Variants in SMARCC1 observed in about 807,000 individuals in gnomAD.
SMARCC1 encodes the protein SWI/SNF related BAF chromatin remodeling complex subunit C1.
SMARCC1 carries 43 observed loss-of-function variants against 147.4 expected under a neutral mutation model. The ratio of observed to expected loss-of-function variants is 0.29; its 90% CI spans 0.23 to 0.38. The LOEUF (loss-of-function observed/expected upper bound fraction) is 0.38, where lower values mean the gene tolerates loss of function less well. Ranked by LOEUF, SMARCC1 falls within the 10% of genes least tolerant of loss-of-function variation. The pLI is 1.00. For missense variants in SMARCC1, 1,119 were observed against 1,381.1 expected (o/e 0.81, Z 3.01); for synonymous variants, 495 against 484.4 (o/e 1.02, Z -0.29).
At chr3:47,636,584 C>A (rs2032971634) in intron 22 of SMARCC1, among the ~76,000 whole-genome samples, 2 of 152,016 alleles carry the variant, frequency 1.3e-5, no homozygotes, top group East Asian at 1.9e-4. Context: ...CCTGTCTCTA[C>A]TAAAAATACA....
At chr3:47,643,970 T>C (rs2033084868) in intron 21 of SMARCC1, among the ~76,000 whole-genome samples, 1 of 152,158 alleles carries the variant, frequency 6.6e-6, no homozygotes. Flanking sequence ...GTGGGAGGAA[T>C]GCGGCCAGCA....
At chr3:47,738,754 G>T (rs1288531755) in intron 3 of SMARCC1, among the ~76,000 whole-genome samples, 1 of 152,106 alleles carries the variant, frequency 6.6e-6, no homozygotes, top group Admixed American at 6.6e-5. Flanking sequence ...AGCATCTTGG[G>T]TATTTAATTC....
intron 25 of SMARCC1, among the ~76,000 whole-genome samples, chr3:47,621,386 C>T (rs1030150825): frequency 2.0e-5 from 3 of 151,674 alleles, no homozygotes; most frequent in Admixed American, 6.6e-5. Flanking sequence ...TTCGCAATAG[C>T]GAAGACATGA....
intron 3 of SMARCC1, among the ~76,000 whole-genome samples, chr3:47,742,597 C>T (rs377604327): frequency 9.2e-5 from 14 of 152,258 alleles, no homozygotes; most frequent in South Asian, 8.3e-4. Context: ...ATCTCTCTTT[C>T]TGTTTTTGAC....
At chr3:47,689,854 G>T (rs1297091428) in intron 12 of SMARCC1, among the ~76,000 whole-genome samples, 1 of 152,150 alleles carries the variant, frequency 6.6e-6, no homozygotes, top group African/African-American at 2.4e-5. Context: ...TGCCTTCTGA[G>T]GATAGAGGGC....
intron 5 of SMARCC1, among the ~76,000 whole-genome samples, chr3:47,732,194 C>G (rs1009913992): frequency 6.6e-6 from 1 of 152,178 alleles, no homozygotes; most frequent in African/African-American, 2.4e-5. Flanking sequence ...ATTAGGCAAC[C>G]TCTGCTGGCT....
intron 8 of SMARCC1, among the ~76,000 whole-genome samples, chr3:47,712,240 A>C (rs116136883): frequency 0.043 from 6,523 of 152,218 alleles, 399 homozygotes; most frequent in African/African-American, 0.14. Flanking sequence ...CTCAAAATAA[A>C]TAACTAACTA....
chr3:47,776,135 G>A (rs1026454742), intron 1 of SMARCC1, among the ~76,000 whole-genome samples: 5 of 151,952 alleles, frequency 3.3e-5, no homozygotes, highest in East Asian at 1.9e-4. Flanking sequence ...GTGACAAAGC[G>A]AGACTCCGTC....
chr3:47,733,928 C>G (rs1275790226), intron 5 of SMARCC1, among the ~76,000 whole-genome samples: 2 of 146,526 alleles, frequency 1.4e-5, no homozygotes, highest in African/African-American at 5.1e-5. Context: ...CTTGTATATA[C>G]ATATATACAA....
chr3:47,692,797 C>G (rs920558884), intron 12 of SMARCC1, among the ~76,000 whole-genome samples: 5 of 151,964 alleles, frequency 3.3e-5, no homozygotes, highest in Admixed American at 1.3e-4. Context: ...CCGAGACAGG[C>G]GGATCATGAG....
chr3:47,672,578 T>C (rs2033515178), intron 18 of SMARCC1, among the ~76,000 whole-genome samples: 3 of 152,176 alleles, frequency 2.0e-5, no homozygotes, highest in African/African-American at 4.8e-5. Flanking sequence ...CCAATCAGAT[T>C]TGGAGCCCCA....
rs753672169 is a variant in SMARCC1 at position 47,671,196 on chromosome 3, A to AAAAAAAC, written c.1840-480_1840-479insGTTTTTT. Among the ~76,000 whole-genome samples, 677 of 81,106 alleles carry AAAAAAAC rather than the reference A, an allele frequency of 8.3e-3. 120 individuals carry two copies. The highest frequency in any genetic ancestry group is 0.016 in the South Asian group (33 of 2,012). The allele number at this position is 81,106 out of a possible 152,430, so 53.2% of individuals were successfully genotyped here. A position where few individuals can be genotyped will look rare whatever the true frequency, so the allele number is the denominator to read the frequency against. On this transcript the variant is annotated intron_variant, in intron 18 of 27. Coordinates refer to ENST00000254480, the MANE Select transcript of SMARCC1 (RefSeq NM_003074.4). ...CTCAAAAAAAAAAAAAAAAAAAAAA[A>AAAAAAAC]AACACACACAAAAACCAAAACCAAA...
intron 15 of SMARCC1, among the ~76,000 whole-genome samples, chr3:47,679,570 T>C (rs1173922461): frequency 6.6e-6 from 1 of 152,138 alleles, no homozygotes; most frequent in East Asian, 1.9e-4. Flanking sequence ...AGTTGAAAGT[T>C]GTTAGGACAG....
intron 18 of SMARCC1, among the ~76,000 whole-genome samples, chr3:47,672,434 C>A (rs1460514376): frequency 6.6e-6 from 1 of 152,084 alleles, no homozygotes; most frequent in Non-Finnish European, 1.5e-5. Flanking sequence ...TCTCGATCTC[C>A]TGACCTCGTG....
intron 5 of SMARCC1, among the ~76,000 whole-genome samples, chr3:47,733,886 T>C (rs1279659778): frequency 1.4e-5 from 2 of 145,748 alleles, no homozygotes; most frequent in African/African-American, 2.5e-5. Context: ...AAAAAAGGTA[T>C]ATATACACGT....
chr3:47,645,536 C>A (rs1056598834), intron 21 of SMARCC1, among the ~76,000 whole-genome samples: 1 of 152,148 alleles, frequency 6.6e-6, no homozygotes, highest in Non-Finnish European at 1.5e-5. Context: ...CAGAGTAAGA[C>A]CTTGTTTATT....
intron 1 of SMARCC1, among the ~76,000 whole-genome samples, chr3:47,779,758 T>C (rs938602668): frequency 6.6e-6 from 1 of 152,186 alleles, no homozygotes; most frequent in African/African-American, 2.4e-5. Flanking sequence ...TTACTGAAAT[T>C]TGCCTTTTTC....
At chr3:47,701,456 GCAAA>G (rs2033917326) in intron 10 of SMARCC1, 54 bp from the exon 11 acceptor site, 1 of 1,525,694 alleles carries the variant, frequency 6.6e-7, no homozygotes, top group Non-Finnish European at 9.1e-7. Context: ...GCTACTGATA[GCAAA>G]CAGTTTCTGA....
At chr3:47,684,830 G>A (rs2033701029) in intron 14 of SMARCC1, among the ~76,000 whole-genome samples, 1 of 151,874 alleles carries the variant, frequency 6.6e-6, no homozygotes, top group Non-Finnish European at 1.5e-5. Context: ...CTGTGGACAG[G>A]GCCATTAAGT....
Sources: allele counts gnomAD v4.1 joint callset (sites outside exome capture counted in the v4.1 genomes callset), GRCh38; gene constraint gnomAD v4.1.1; transcripts MANE v1.5; gene names NCBI Gene and HGNC (gene_info 2026-07-23, HGNC 2026-07-21).